SDK1: variants seen among roughly 807,000 people sequenced by gnomAD.
SDK1 encodes sidekick cell adhesion molecule 1.
Under a neutral mutation model 245.5 loss-of-function variants are expected in SDK1, and 157 were observed. That is an observed-to-expected ratio of 0.64 (90% confidence interval 0.56 to 0.73). SDK1 has a LOEUF of 0.73. Ranked by LOEUF, SDK1 falls within the 30% of genes least tolerant of loss-of-function variation. The pLI is 0.00. For synonymous variants in SDK1, 1,647 were observed against 1,278.5 expected (o/e 1.29, Z -6.15); for missense variants, 3,583 against 3,002.3 (o/e 1.19, Z -4.52).
At chr7:3,441,218 T>C (rs1417873587) in intron 1 of SDK1, among the ~76,000 whole-genome samples, 1 of 152,164 alleles carries the variant, frequency 6.6e-6, no homozygotes, top group Non-Finnish European at 1.5e-5. Flanking sequence ...TTTTATTTTA[T>C]GATTTATAAA....
In SDK1 at chr7:3,313,081, T is replaced by C. The variant is rs57941647; in HGVS notation, c.298+11197T>C. On this transcript the variant is annotated intron_variant, in intron 1 of 44. Transcript: ENST00000404826. ...GTGGAAATCCACTACCAACCTAGAA[T>C]TCCATGTCCATATAAAGTATTATGA... 8.9e-3 allele frequency among the ~76,000 whole-genome samples: 1,352 copies of C among 152,284 alleles called. 25 individuals carry two copies. Among genetic ancestry groups the C allele is most frequent in the African/African-American group, 0.031 (1,276 of 41,550 alleles).
At chr7:3,586,220 G>C (rs367831176) in intron 1 of SDK1, among the ~76,000 whole-genome samples, 10 of 151,940 alleles carry the variant, frequency 6.6e-5, no homozygotes, top group African/African-American at 2.4e-4. Context: ...AGGAAGAGAG[G>C]TAGGATTTAA....
At chr7:3,723,976 A>C (rs981982679) in intron 4 of SDK1, among the ~76,000 whole-genome samples, 1 of 147,052 alleles carries the variant, frequency 6.8e-6, no homozygotes, top group Non-Finnish European at 1.5e-5. Context: ...AGAGAGAGAG[A>C]GAAAGAGAGA....
At chr7:3,552,259 G>T (rs191315184) in intron 1 of SDK1, among the ~76,000 whole-genome samples, 1 of 151,998 alleles carries the variant, frequency 6.6e-6, no homozygotes, top group African/African-American at 2.4e-5. Flanking sequence ...GGATGGTCTC[G>T]ATCGATCTCC....
At chr7:3,307,416 C>T (rs1779443745) in intron 1 of SDK1, among the ~76,000 whole-genome samples, 1 of 152,174 alleles carries the variant, frequency 6.6e-6, no homozygotes, top group Admixed American at 6.5e-5. Flanking sequence ...TACCTACCTG[C>T]CAGTTATTGA....
rs1779261639 is a variant in SDK1, at chr7:3,301,649, G to T, written c.63G>T (p.Glu21Asp). The T allele has an allele frequency of 1.0e-6, 1 of 976,728 alleles. No homozygotes were observed. The highest frequency in any genetic ancestry group is 1.2e-6 in the Non-Finnish European group (1 of 826,286). The allele number at this position is 976,728 out of a possible 1,614,324, so 60.5% of individuals were successfully genotyped here. Reference protein sequence around the residue: ...GGGGGGAEPPERAGPGRPRGS... With the variant: ...GGGGGGAEPPDRAGPGRPRGS... ...GCGGCGGCGGCGCGGAGCCCCCTGAGCGCGCGGGCCCCGGGCGGCCGCGGG... is the reference window on the plus strand; with the variant it reads ...GCGGCGGCGGCGCGGAGCCCCCTGATCGCGCGGGCCCCGGGCGGCCGCGGG... The change falls in exon 1 of 45, where the codon GAG (glutamate) becomes GAT (aspartate). Residue 21 changes from glutamate (E) to aspartate (D), a missense_variant. By Grantham distance (45) the Glu-to-Asp change is conservative. Transcript: ENST00000404826.
intron 4 of SDK1, among the ~76,000 whole-genome samples, chr7:3,782,274 G>T (rs1317476059): frequency 2.0e-5 from 3 of 152,144 alleles, no homozygotes; most frequent in African/African-American, 7.2e-5. Context: ...ATGGGAAAAG[G>T]TCTCCAACTC....
At chr7:3,403,763 T>C (rs1247892892) in intron 1 of SDK1, among the ~76,000 whole-genome samples, 2 of 145,634 alleles carry the variant, frequency 1.4e-5, no homozygotes, top group Non-Finnish European at 3.0e-5. Flanking sequence ...GCACTGTGCG[T>C]CTGACTGGAT....
intron 4 of SDK1, among the ~76,000 whole-genome samples, chr7:3,646,888 ATAAT>A (rs1388314540): frequency 1.3e-5 from 2 of 152,214 alleles, no homozygotes; most frequent in Non-Finnish European, 2.9e-5. Context: ...CTCACACAAG[ATAAT>A]TAGAGTAGTC....
chr7:3,803,131 A>T (rs1002200852), intron 4 of SDK1, among the ~76,000 whole-genome samples: 1 of 152,132 alleles, frequency 6.6e-6, no homozygotes, highest in African/African-American at 2.4e-5. Context: ...GTTTTTTTAC[A>T]TTAGCCATTT....
chr7:3,665,489 A>G (rs1783496312), intron 4 of SDK1, among the ~76,000 whole-genome samples: 1 of 152,212 alleles, frequency 6.6e-6, no homozygotes, highest in African/African-American at 2.4e-5. Context: ...TCTCTTGTAT[A>G]CAACACACCA....
intron 5 of SDK1, among the ~76,000 whole-genome samples, chr7:3,824,899 C>G (rs192055157): frequency 6.6e-6 from 1 of 152,080 alleles, no homozygotes; most frequent in South Asian, 2.1e-4. Flanking sequence ...TCCCCTCTTG[C>G]GTGGTTAAGA....
At chr7:3,822,199 G>A (rs927430345) in intron 5 of SDK1, among the ~76,000 whole-genome samples, 4 of 152,158 alleles carry the variant, frequency 2.6e-5, no homozygotes, top group Admixed American at 1.3e-4. Flanking sequence ...CTAAAGAAGG[G>A]AAAATCACCC....
intron 16 of SDK1, among the ~76,000 whole-genome samples, chr7:4,014,547 GTC>G (rs1562670364): frequency 6.6e-6 from 1 of 152,226 alleles, no homozygotes; most frequent in African/African-American, 2.4e-5. Context: ...CCAGGGCACA[GTC>G]TCTGTGTCAG....
intron 5 of SDK1, among the ~76,000 whole-genome samples, chr7:3,896,514 G>A (rs982006951): frequency 5.3e-5 from 8 of 152,152 alleles, no homozygotes; most frequent in African/African-American, 1.9e-4. Flanking sequence ...TTCTCCACTA[G>A]CTTTAGCCTC....
chr7:4,055,556 T>G (rs2342499), intron 19 of SDK1, among the ~76,000 whole-genome samples: 21 of 81,734 alleles, frequency 2.6e-4, no homozygotes, highest in South Asian at 9.2e-4. Context: ...TGTTGTTGTT[T>G]TTGTTTTTTG....
intron 1 of SDK1, among the ~76,000 whole-genome samples, chr7:3,612,806 C>A (rs1002799968): frequency 1.3e-5 from 2 of 152,090 alleles, no homozygotes; most frequent in African/African-American, 4.8e-5. Context: ...CTGGTCCTCC[C>A]GGCTGGACTC....
intron 4 of SDK1, among the ~76,000 whole-genome samples, chr7:3,719,874 G>T (rs1352869654): frequency 3.3e-5 from 5 of 151,904 alleles, no homozygotes; most frequent in African/African-American, 1.2e-4. Context: ...CTACTCAGGA[G>T]ACTGAGGCAA....
At chr7:4,203,786 C>T (rs17134550) in intron 35 of SDK1, among the ~76,000 whole-genome samples, 49,430 of 152,166 alleles carry the variant, frequency 0.32, 8,784 homozygotes, top group African/African-American at 0.47. Flanking sequence ...CTTTGCTCAG[C>T]GTTGACATAT....
Sources: allele counts gnomAD v4.1 joint callset (sites outside exome capture counted in the v4.1 genomes callset), GRCh38; gene constraint gnomAD v4.1.1; transcripts MANE v1.5; gene names NCBI Gene and HGNC (gene_info 2026-07-23, HGNC 2026-07-21).